DNAH5: variants seen among roughly 807,000 people sequenced by gnomAD.
DNAH5 encodes the protein axonemal beta dynein heavy chain 5.
DNAH5 carries 372 observed loss-of-function variants against 518.2 expected under a neutral mutation model. The ratio of observed to expected loss-of-function variants is 0.72; its 90% CI spans 0.66 to 0.78. DNAH5 has a LOEUF of 0.78. DNAH5 is among the 30% of genes least tolerant of loss of function. The pLI, the probability that DNAH5 is intolerant of heterozygous loss-of-function variation, is 0.00. For synonymous variants in DNAH5, 2,039 were observed against 2,025.9 expected, an observed-to-expected ratio of 1.01 and a Z score of -0.17; for missense variants, 5,523 against 5,687.0, an observed-to-expected ratio of 0.97 and a Z score of 0.93.
intron 43 of DNAH5, among the ~76,000 whole-genome samples, 189 bp from the exon 44 acceptor site, chr5:13,812,012 A>G (rs921667450): frequency 6.6e-6 from 1 of 152,210 alleles, no homozygotes; most frequent in Non-Finnish European, 1.5e-5. Context: ...AAACAACCCT[A>G]CAAGGTAAGA....
intron 1 of DNAH5, among the ~76,000 whole-genome samples, chr5:13,964,876 T>A (rs1781427631): frequency 6.6e-6 from 1 of 152,226 alleles, no homozygotes; most frequent in African/African-American, 2.4e-5. Flanking sequence ...GGACCCTTTG[T>A]CATTTCTCAC....
Position 13,882,719 on chromosome 5 carries a change from A to G in DNAH5, c.3262+9T>C, listed in dbSNP as rs1198385839. ...AATGCCTCTTTTAAAAGACTAAAAG[A>G]ACATTTACCTTGAAGTTCATTTTCT... On this transcript the variant is annotated intron_variant, in intron 21 of 78. Coordinates refer to ENST00000265104, the MANE Select transcript of DNAH5 (RefSeq NM_001369.3). 2.5e-6 allele frequency: 4 copies of G among 1,604,630 alleles called. No individual in the cohort carries two copies. Among genetic ancestry groups the G allele is most frequent in the Non-Finnish European group, 3.4e-6 (4 of 1,171,848 alleles).
At chr5:13,750,110 A>G (rs1191269406) in intron 65 of DNAH5, among the ~76,000 whole-genome samples, 1 of 152,138 alleles carries the variant, frequency 6.6e-6, no homozygotes, top group African/African-American at 2.4e-5. Context: ...AGAGATAGAC[A>G]TGTGGTAGGG....
At chr5:13,956,001 C>T (rs561792447) in intron 1 of DNAH5, among the ~76,000 whole-genome samples, 3 of 152,160 alleles carry the variant, frequency 2.0e-5, no homozygotes, top group Admixed American at 2.0e-4. Context: ...CTCCTACCTT[C>T]CCTGCAAACC....
At chr5:13,901,967 A>C (rs1031986789) in intron 13 of DNAH5, 86 bp downstream of exon 13, 55 of 1,015,058 alleles carry the variant, frequency 5.4e-5, no homozygotes, top group Non-Finnish European at 7.3e-6. Context: ...TTCCATCAGA[A>C]TATGAAATAA....
chr5:13,844,802 G>A (rs181150296), intron 32 of DNAH5, 35 bp downstream of exon 32: 70 of 1,613,862 alleles, frequency 4.3e-5, no homozygotes, highest in African/African-American at 2.4e-4. Flanking sequence ...TCGAAGGTAC[G>A]GTGATTGTTG....
At chr5:13,890,588 C>T (rs540525754) in intron 17 of DNAH5, among the ~76,000 whole-genome samples, 124 of 152,188 alleles carry the variant, frequency 8.1e-4, no homozygotes, top group African/African-American at 2.8e-3. Flanking sequence ...TTGGGAAACC[C>T]CCCCTCAACA....
At chr5:13,842,025 C>A in intron 32 of DNAH5, 121 bp from the exon 33 acceptor site, 1 of 669,210 alleles carries the variant, frequency 1.5e-6, no homozygotes, top group Non-Finnish European at 2.5e-6. Flanking sequence ...ACTGTAAAAG[C>A]CAAATATAAA....
chr5:13,931,280 G>A (rs774357509), intron 1 of DNAH5, 36 bp from the exon 2 acceptor site: 4 of 1,612,954 alleles, frequency 2.5e-6, no homozygotes, highest in Admixed American at 1.7e-5. Flanking sequence ...CATGGAAACT[G>A]CTGTTCTCAA....
At chr5:13,851,390 C>A (rs1338428458) in intron 30 of DNAH5, among the ~76,000 whole-genome samples, 1 of 152,160 alleles carries the variant, frequency 6.6e-6, no homozygotes, top group Non-Finnish European at 1.5e-5. Context: ...TCACTGCAGC[C>A]TTGATTTCCT....
intron 40 of DNAH5, among the ~76,000 whole-genome samples, chr5:13,822,662 A>G (rs1398779072): frequency 6.6e-6 from 1 of 152,218 alleles, no homozygotes; most frequent in Non-Finnish European, 1.5e-5. Flanking sequence ...TCATAGAAAA[A>G]GAAATTGAGG....
chr5:13,770,822 A>G lies in DNAH5; in HGVS notation c.9532T>C (p.Tyr3178His). The G allele has an allele frequency of 6.2e-7, 1 of 1,614,094 alleles. No homozygotes were observed. The highest frequency in any genetic ancestry group is 8.5e-7 in the Non-Finnish European group (1 of 1,179,992). ...RRSTHVTPKS[Y>H]LSFIQGYKFI... ...TTATAGCCCTGAATAAAGGAGAGGT[A>G]TGATTTGGGCGTCACGTGGGTAGAA... is the stretch of plus-strand genomic sequence containing the variant. The change falls in exon 56 of 79, where the codon TAC becomes CAC. Residue 3178 changes from tyrosine to histidine, a missense_variant. Tyr to His is a moderately conservative substitution (Grantham distance 83). This residue lies in a region of DNAH5 where 5,121 missense variants were observed against 5,223.3 expected (regional missense o/e 0.98). Coordinates refer to ENST00000265104, the MANE Select transcript of DNAH5 (RefSeq NM_001369.3).
intron 30 of DNAH5, among the ~76,000 whole-genome samples, chr5:13,851,768 C>G (rs1766879232): frequency 6.6e-6 from 1 of 151,950 alleles, no homozygotes; most frequent in Admixed American, 6.6e-5. Flanking sequence ...AAAAGAAAAA[C>G]ATGGGAATCC....
intron 59 of DNAH5, among the ~76,000 whole-genome samples, chr5:13,764,919 G>A (rs554089679): frequency 8.5e-4 from 129 of 152,222 alleles, no homozygotes; most frequent in Non-Finnish European, 1.4e-3. Context: ...GTTAGACTCC[G>A]CCATTATTAA....
intron 66 of DNAH5, among the ~76,000 whole-genome samples, chr5:13,736,999 A>G (rs1039806892): frequency 1.3e-5 from 2 of 152,178 alleles, no homozygotes; most frequent in African/African-American, 4.8e-5. Context: ...TTACTTTCTA[A>G]CATCAAAATA....
intron 50 of DNAH5, 34 bp downstream of exon 50, chr5:13,791,960 T>C (rs757720115): frequency 6.7e-7 from 1 of 1,485,600 alleles, no homozygotes; most frequent in African/African-American, 1.4e-5. Flanking sequence ...TTAATAGCAA[T>C]GTTATTTGTT....
At chr5:13,830,300 G>T in intron 36 of DNAH5, 87 bp from the exon 37 acceptor site, 2 of 1,239,868 alleles carry the variant, frequency 1.6e-6, no homozygotes, top group Non-Finnish European at 2.3e-6. Context: ...GCTAAAATGA[G>T]CCAGATGTAA....
At chr5:13,862,172 A>G (rs1326828411) in intron 29 of DNAH5, among the ~76,000 whole-genome samples, 1 of 56,138 alleles carries the variant, frequency 1.8e-5, no homozygotes, top group Non-Finnish European at 4.3e-5. Flanking sequence ...TGTCAGCAGC[A>G]AGCTGAAATG....
intron 65 of DNAH5, among the ~76,000 whole-genome samples, chr5:13,747,563 T>C (rs1214973821): frequency 6.6e-6 from 1 of 152,208 alleles, no homozygotes; most frequent in Non-Finnish European, 1.5e-5. Context: ...TTCCTGACTT[T>C]TTAATGATCG....
Sources: gnomAD v4.1 joint callset for allele counts (sites outside exome capture counted in the v4.1 genomes callset) on GRCh38, gnomAD v4.1.1 for gene constraint, gnomAD v4.1.1 regional missense constraint, MANE v1.5 for transcripts, NCBI Gene and HGNC (gene_info 2026-07-23, HGNC 2026-07-21) for gene names.